The following SPECC1 variants were observed in gnomAD, a reference collection of about 807,000 sequenced individuals.
SPECC1 encodes the protein sperm antigen with calponin homology and coiled-coil domains 1.
Under a neutral mutation model 104.1 loss-of-function variants are expected in SPECC1, and 62 were observed. The ratio of observed to expected loss-of-function variants is 0.60; its 90% CI spans 0.49 to 0.74. The LOEUF is 0.74. Ranked by LOEUF, SPECC1 falls within the 30% of genes least tolerant of loss-of-function variation. The pLI is 0.00. For missense variants in SPECC1, 1,306 were observed against 1,310.5 expected (o/e 1.00, Z 0.05); for synonymous variants, 513 against 501.6 (o/e 1.02, Z -0.30).
chr17:20,039,063 C>G (rs1003905876), intron 1 of SPECC1, among the ~76,000 whole-genome samples: 6 of 152,102 alleles, frequency 3.9e-5, no homozygotes, highest in African/African-American at 1.4e-4. Flanking sequence ...TTTCATTATC[C>G]CAAAAAGAAA....
chr17:20,158,112 C>T (rs951604971), intron 3 of SPECC1, among the ~76,000 whole-genome samples: 8 of 152,296 alleles, frequency 5.3e-5, no homozygotes, highest in Middle Eastern at 3.4e-3. Flanking sequence ...GGTTTTCAGT[C>T]GGCTTTACCA....
chr17:20,232,093 A>G, intron 6 of SPECC1, 107 bp from the exon 7 acceptor site: 1 of 1,327,084 alleles, frequency 7.5e-7, no homozygotes, highest in Non-Finnish European at 1.1e-6. Context: ...CTCACCAAGC[A>G]CTGATGGCAT....
rs1011789174 is a variant in SPECC1, at chr17:20,112,053, A to G, written c.283+1491A>G. The G allele has an allele frequency of 9.1e-6, 7 of 767,580 alleles. No homozygotes were observed. In the African/African-American group the frequency reaches 1.2e-4, roughly 13 times the overall value. 47.5% of individuals were successfully genotyped at this position (767,580 alleles called of 1,614,324 possible). On this transcript the variant is annotated intron_variant, in intron 3 of 14. Coordinates refer to ENST00000395527, the MANE Select transcript of SPECC1 (RefSeq NM_001243439.2). ...CCATTTATTGATCCTGACAGATTCT[A>G]AACCACCTGAGGGATTGTCAGGATT...
chr17:20,292,458 G>C (rs1234363735), intron 12 of SPECC1, among the ~76,000 whole-genome samples: 1 of 152,034 alleles, frequency 6.6e-6, no homozygotes, highest in Non-Finnish European at 1.5e-5. Flanking sequence ...AGCCTCCTGA[G>C]TAGCGGGGAT....
At chr17:20,123,210 A>AG (rs2049122933) in intron 3 of SPECC1, among the ~76,000 whole-genome samples, 1 of 152,250 alleles carries the variant, frequency 6.6e-6, no homozygotes, top group Non-Finnish European at 1.5e-5. Flanking sequence ...GAGACATGGA[A>AG]GTGCCCATTT....
At chr17:20,186,043 G>T (rs1023771253) in intron 3 of SPECC1, among the ~76,000 whole-genome samples, 3 of 152,052 alleles carry the variant, frequency 2.0e-5, no homozygotes, top group African/African-American at 7.2e-5. Context: ...TCACCATGTT[G>T]GTCAGGCTGG....
chr17:20,137,061 T>C (rs1354683039), intron 3 of SPECC1, among the ~76,000 whole-genome samples: 1 of 152,244 alleles, frequency 6.6e-6, no homozygotes, highest in African/African-American at 2.4e-5. Flanking sequence ...GCCTTCACCA[T>C]CGGAAACCAC....
At chr17:20,106,497 C>A (rs1412835783) in intron 2 of SPECC1, among the ~76,000 whole-genome samples, 2 of 152,102 alleles carry the variant, frequency 1.3e-5, no homozygotes, top group African/African-American at 4.8e-5. Context: ...GTGTCCCCAA[C>A]CAAAATTCAT....
chr17:20,204,386 G>T lies in SPECC1; in HGVS notation c.337G>T (p.Val113Leu), dbSNP rs1164918833. ...CATTCCAGCCCCACGGGAATTTTCA[G>T]TAACTGTCTCAAGAGAGAGGTCTGT... Reference protein sequence around the residue: ...TGIPAPREFSVTVSRERSVPR... With the variant: ...TGIPAPREFSLTVSRERSVPR... Residue 113 changes from valine to leucine, a missense_variant, in exon 4 of 15, where the codon GTA (valine) becomes TTA (leucine). This residue lies in a region of SPECC1 where 1,177 missense variants were observed against 1,139.9 expected (regional missense o/e 1.03). Coordinates refer to ENST00000395527, the MANE Select transcript of SPECC1 (RefSeq NM_001243439.2). 6.2e-7 allele frequency: 1 copy of T among 1,613,888 alleles called. No homozygotes were observed. Among genetic ancestry groups the T allele is most frequent in the East Asian group, 2.2e-5 (1 of 44,900 alleles).
At chr17:20,230,626 C>A (rs1169727808) in intron 5 of SPECC1, among the ~76,000 whole-genome samples, 1 of 152,172 alleles carries the variant, frequency 6.6e-6, no homozygotes, top group African/African-American at 2.4e-5. Flanking sequence ...ATGTCCACAG[C>A]AAAATTTAGA....
intron 14 of SPECC1, among the ~76,000 whole-genome samples, chr17:20,307,915 A>G (rs542196276): frequency 1.3e-5 from 2 of 152,356 alleles, no homozygotes; most frequent in East Asian, 3.9e-4. Context: ...CAGAAAAAGC[A>G]AAGACAGATA....
intron 4 of SPECC1, among the ~76,000 whole-genome samples, chr17:20,212,417 C>CACTTGGCTGGGGA (rs1362570013): frequency 2.6e-5 from 4 of 152,228 alleles, no homozygotes; most frequent in African/African-American, 9.6e-5. Flanking sequence ...TTAACAGTTC[C>CACTTGGCTGGGGA]ACTTGGCTGG....
chr17:20,123,772 A>G (rs976158491), intron 3 of SPECC1, among the ~76,000 whole-genome samples: 11 of 152,226 alleles, frequency 7.2e-5, no homozygotes, highest in Non-Finnish European at 1.2e-4. Flanking sequence ...ACCGGTGACT[A>G]GCATTCTTTG....
intron 3 of SPECC1, among the ~76,000 whole-genome samples, chr17:20,134,876 A>G (rs924151813): frequency 9.9e-5 from 15 of 152,236 alleles, no homozygotes; most frequent in Non-Finnish European, 2.2e-4. Context: ...GTAGGATCCC[A>G]CCATATAACA....
At position 20,253,421 on chromosome 17, in the gene SPECC1, C is replaced by G. The variant is rs1286913038; in HGVS notation, c.2599-84C>G. The stretch of plus-strand genomic sequence containing the variant: ...CTGTGTTTAAGAACTGTTGCACACA[C>G]ACGCATGCACACACACACATCTGTG... On this transcript the variant is annotated intron_variant, in intron 9 of 14. Coordinates refer to ENST00000395527, the MANE Select transcript of SPECC1 (RefSeq NM_001243439.2). 3 of 1,314,180 alleles carry G rather than the reference C, an allele frequency of 2.3e-6. No homozygotes were observed. In the African/African-American group the frequency reaches 4.4e-5, roughly 19 times the overall value. 81.4% of individuals were successfully genotyped at this position (1,314,180 alleles called of 1,614,324 possible).
At position 20,114,612 on chromosome 17, in the gene SPECC1, AC is replaced by A. The variant is rs144521323; in HGVS notation, c.283+4054del. 7.6e-3 allele frequency among the ~76,000 whole-genome samples: 1,153 copies of A among 151,476 alleles called. 16 individuals carry two copies. The highest frequency in any genetic ancestry group is 0.027 in the African/African-American group (1,098 of 41,220). On this transcript the variant is annotated intron_variant, in intron 3 of 14. Transcript: ENST00000395527. ...CCAATGACCTGGTGTCCTTACATCT[AC>A]CCCAAGAGCAGGGATGTTAGCTGTG...
intron 1 of SPECC1, among the ~76,000 whole-genome samples, chr17:20,070,478 TTA>T (rs1597647029): frequency 1.3e-5 from 2 of 152,144 alleles, no homozygotes; most frequent in African/African-American, 4.8e-5. Flanking sequence ...ATATAATCCT[TTA>T]TATATGTTTT....
chr17:20,079,162 C>G (rs141037600), intron 1 of SPECC1, among the ~76,000 whole-genome samples: 1 of 152,170 alleles, frequency 6.6e-6, no homozygotes, highest in African/African-American at 2.4e-5. Context: ...TGGGCGCCGA[C>G]CTCTTCCATC....
At chr17:20,199,402 T>G (rs979369092) in intron 3 of SPECC1, among the ~76,000 whole-genome samples, 5 of 144,870 alleles carry the variant, frequency 3.5e-5, no homozygotes, top group East Asian at 2.0e-4. Context: ...TTTTTTTTTT[T>G]TTTTTTTTTT....
Sources: gnomAD v4.1 joint callset for allele counts (sites outside exome capture counted in the v4.1 genomes callset) on GRCh38, gnomAD v4.1.1 for gene constraint, gnomAD v4.1.1 regional missense constraint, MANE v1.5 for transcripts, NCBI Gene and HGNC (gene_info 2026-07-23, HGNC 2026-07-21) for gene names.